The following CLEC12A variants were observed in gnomAD, a reference collection of about 807,000 sequenced individuals.
CLEC12A encodes the protein C-type lectin protein CLL-1.
In CLEC12A, 22 loss-of-function variants were observed where a neutral mutation model predicts 26.5. The observed-to-expected ratio is 0.83, with a 90% CI of 0.59 to 1.19. The LOEUF (loss-of-function observed/expected upper bound fraction) is 1.19. Ranked by LOEUF, CLEC12A falls within the 50% of genes most tolerant of loss-of-function variation. The pLI is 0.00. For missense variants in CLEC12A, 353 were observed against 315.6 expected (o/e 1.12, Z -0.90); for synonymous variants, 119 against 101.9 (o/e 1.17, Z -1.01).
At chr12:9,998,751 A>G (rs1865115081), downstream of CLEC12A, among the ~76,000 whole-genome samples, 1 of 152,214 alleles carries the variant, frequency 6.6e-6, no homozygotes, top group African/African-American at 2.4e-5. Context: ...GCTCACATAT[A>G]GAAAATGAAA....
At chr12:9,990,914 A>C (rs1243816319) in intron 4 of CLEC12A, 1 of 152,206 alleles carries the variant, frequency 6.6e-6, no homozygotes, top group Non-Finnish European at 1.5e-5. Context: ...CACCAGCAAA[A>C]AGATTTTCAC....
chr12:9,985,710 T>A (rs1837287898), downstream of CLEC12A: 2 of 367,308 alleles, frequency 5.4e-6, no homozygotes, highest in Non-Finnish European at 9.6e-6. Context: ...TGAAAAAAAA[T>A]ATATAGATAG....
chr12:9,957,305 T>C (rs1863756849), intron 1 of CLEC12A, among the ~76,000 whole-genome samples: 1 of 151,992 alleles, frequency 6.6e-6, no homozygotes, highest in Admixed American at 6.6e-5. Flanking sequence ...CTGACCAACA[T>C]GGACAAACCC....
At chr12:9,983,674 G>C (rs925872224) in intron 5 of CLEC12A, 1 of 565,740 alleles carries the variant, frequency 1.8e-6, no homozygotes, top group African/African-American at 1.9e-5. Flanking sequence ...GCGAGTTTAG[G>C]CACTCAGATC....
In CLEC12A at chr12:9,984,411, T is replaced by C. The variant is rs973786405; in HGVS notation, c.642-459T>C. Among the ~76,000 whole-genome samples, 5 of 152,182 alleles carry C rather than the reference T, an allele frequency of 3.3e-5. No individual in the cohort carries two copies. In the East Asian group the frequency reaches 9.6e-4, roughly 29 times the overall value. Reference sequence around the variant, plus strand: ...CATTAGAACTTCAGAGTAAAATCTTTTGCCAAGTGTCACTTAGAGATGATG... The same window carrying C: ...CATTAGAACTTCAGAGTAAAATCTTCTGCCAAGTGTCACTTAGAGATGATG... On this transcript the variant is annotated intron_variant, in intron 5 of 5. Transcript: ENST00000304361.
intron 4 of CLEC12A, among the ~76,000 whole-genome samples, chr12:9,981,245 A>G (rs1298654507): frequency 1.3e-5 from 2 of 152,212 alleles, no homozygotes; most frequent in Non-Finnish European, 2.9e-5. Context: ...TATTGTACTG[A>G]GTCCTTGAAT....
chr12:10,005,226 A>G, the CLEC12A span, among the ~76,000 whole-genome samples: 2 of 152,230 alleles, frequency 1.3e-5, no homozygotes, highest in Non-Finnish European at 2.9e-5. Flanking sequence ...AGCTTATATT[A>G]TAGTAGAAGG....
At chr12:10,001,067 T>G in the CLEC12A span, among the ~76,000 whole-genome samples, 1 of 152,220 alleles carries the variant, frequency 6.6e-6, no homozygotes, top group East Asian at 1.9e-4. Flanking sequence ...TTTGTTACAT[T>G]AAATCAGATA....
the CLEC12A span, among the ~76,000 whole-genome samples, chr12:10,002,277 T>C: frequency 6.6e-6 from 1 of 152,184 alleles, no homozygotes; most frequent in Non-Finnish European, 1.5e-5. Flanking sequence ...CACTCTAAAT[T>C]GTCTGTTTTA....
chr12:9,952,317 C>T, intron 1 of CLEC12A, among the ~76,000 whole-genome samples: 1 of 150,840 alleles, frequency 6.6e-6, no homozygotes, highest in South Asian at 2.1e-4. Context: ...TGCCGAGTGC[C>T]TGCGATTGCA....
intron 1 of CLEC12A, 89 bp from the exon 2 acceptor site, chr12:9,978,877 G>A: frequency 3.2e-6 from 3 of 937,116 alleles, no homozygotes; most frequent in African/African-American, 1.6e-5. Context: ...AGGAAATAAA[G>A]GTAAAATGAA....
At chr12:9,970,571 G>A (rs1387859708), upstream of CLEC12A, among the ~76,000 whole-genome samples, 2 of 152,108 alleles carry the variant, frequency 1.3e-5, no homozygotes, top group African/African-American at 4.8e-5. Flanking sequence ...TCTTGATCAA[G>A]AAGTGAAATA....
chr12:9,951,743 G>A (rs11832249), intron 1 of CLEC12A: 4,355 of 272,920 alleles, frequency 0.016, 189 homozygotes, highest in African/African-American at 0.089. Flanking sequence ...AGTTGTGGGA[G>A]ATCAGGGTTT....
At chr12:9,996,927 G>A, downstream of CLEC12A, 1 of 1,614,040 alleles carries the variant, frequency 6.2e-7, no homozygotes, top group Admixed American at 1.7e-5. Context: ...ATGTTAAGTT[G>A]TGCCTGAAGA....
intron 1 of CLEC12A, among the ~76,000 whole-genome samples, chr12:9,962,038 G>C (rs541878829): frequency 6.0e-4 from 91 of 152,300 alleles, no homozygotes; most frequent in African/African-American, 2.0e-3. Context: ...TGTACCTCCA[G>C]GGAGGCAGCC....
downstream of CLEC12A, among the ~76,000 whole-genome samples, chr12:9,988,491 C>A (rs1864820896): frequency 6.6e-6 from 1 of 152,178 alleles, no homozygotes; most frequent in African/African-American, 2.4e-5. Context: ...TATCCAGAAT[C>A]TACGAAGAAC....
At chr12:9,998,808 T>C (rs1242507995), downstream of CLEC12A, among the ~76,000 whole-genome samples, 2 of 152,188 alleles carry the variant, frequency 1.3e-5, no homozygotes, top group African/African-American at 2.4e-5. Flanking sequence ...CCCTCGAGTA[T>C]TAAACGCTCA....
the CLEC12A span, among the ~76,000 whole-genome samples, chr12:10,002,535 C>T: frequency 8.2e-5 from 6 of 73,470 alleles, no homozygotes; most frequent in African/African-American, 1.5e-4. Context: ...CTCCGCCTCC[C>T]GGGTTCACCC....
chr12:9,983,089 T>A (rs1864627204), intron 5 of CLEC12A, among the ~76,000 whole-genome samples: 1 of 152,216 alleles, frequency 6.6e-6, no homozygotes, highest in Non-Finnish European at 1.5e-5. Flanking sequence ...ATGACTTTGC[T>A]ATTGTAAATA....
Sources: gnomAD v4.1 joint callset for allele counts (sites outside exome capture counted in the v4.1 genomes callset) on GRCh38, gnomAD v4.1.1 for gene constraint, MANE v1.5 for transcripts, NCBI Gene and HGNC (gene_info 2026-07-23, HGNC 2026-07-21) for gene names.